Variants in SKAP1 observed in about 807,000 individuals in gnomAD.
SKAP1 encodes src kinase-associated phosphoprotein 1.
Under a neutral mutation model 58.5 loss-of-function variants are expected in SKAP1, and 44 were observed. That is an observed-to-expected ratio of 0.75 (90% CI 0.59 to 0.97). SKAP1 has a LOEUF of 0.97. SKAP1 is among the 50% of genes least tolerant of loss of function. The probability of loss-of-function intolerance (pLI) is 0.00; values close to 1 mark genes in which losing one functional copy is unlikely to be tolerated. For synonymous variants in SKAP1, 127 were observed against 149.7 expected, an observed-to-expected ratio of 0.85 and a Z score of 1.11; for missense variants, 390 against 435.2, an observed-to-expected ratio of 0.90 and a Z score of 0.92.
At chr17:48,413,523 A>AATATATATAT (rs1555624885) in intron 1 of SKAP1, among the ~76,000 whole-genome samples, 2 of 105,476 alleles carry the variant, frequency 1.9e-5, no homozygotes, top group East Asian at 2.3e-4. Context: ...TCAAAAAAAA[A>AATATATATAT]ATATATATAT....
At chr17:48,271,362 CTTTTTTTT>C (rs35447830) in intron 4 of SKAP1, among the ~76,000 whole-genome samples, 1 of 106,278 alleles carries the variant, frequency 9.4e-6, no homozygotes, top group African/African-American at 3.5e-5. Context: ...TTCTTTGTTT[CTTTTTTTT>C]TTTTTTTTTT....
intron 4 of SKAP1, among the ~76,000 whole-genome samples, chr17:48,299,905 AATG>A (rs1350877659): frequency 2.0e-5 from 3 of 152,084 alleles, no homozygotes; most frequent in African/African-American, 7.2e-5. Context: ...GGGTTTGCGG[AATG>A]ATGATGAATA....
chr17:48,250,773 C>T (rs2065355252), intron 4 of SKAP1, among the ~76,000 whole-genome samples: 1 of 151,912 alleles, frequency 6.6e-6, no homozygotes. Context: ...CTGATATTTC[C>T]ACACCTGCAG....
intron 1 of SKAP1, among the ~76,000 whole-genome samples, chr17:48,399,449 G>A (rs1340896158): frequency 6.6e-6 from 1 of 152,024 alleles, no homozygotes; most frequent in Non-Finnish European, 1.5e-5. Flanking sequence ...CAAACCCACA[G>A]CTAACATTGT....
At chr17:48,405,445 CTTT>C (rs1567902193) in intron 1 of SKAP1, among the ~76,000 whole-genome samples, 52 of 65,810 alleles carry the variant, frequency 7.9e-4, no homozygotes, top group African/African-American at 2.4e-3. Context: ...TTCTTTCTTT[CTTT>C]CTTTTCTTTC....
chr17:48,394,349 CT>C (rs541710956), intron 2 of SKAP1, among the ~76,000 whole-genome samples: 91 of 149,064 alleles, frequency 6.1e-4, no homozygotes, highest in African/African-American at 2.0e-3. Flanking sequence ...ATTTTTTACT[CT>C]TTTTTTTTTG....
At chr17:48,172,083 A>C (rs561382227) in intron 9 of SKAP1, among the ~76,000 whole-genome samples, 20 of 151,586 alleles carry the variant, frequency 1.3e-4, no homozygotes, top group Admixed American at 3.9e-4. Flanking sequence ...AAAACAAAAA[A>C]CCCTCTTTGA....
intron 4 of SKAP1, among the ~76,000 whole-genome samples, chr17:48,249,528 G>T (rs1178300094): frequency 6.6e-6 from 1 of 151,916 alleles, no homozygotes; most frequent in African/African-American, 2.4e-5. Flanking sequence ...CAAAAAATTA[G>T]CTGGGCCTGG....
upstream of SKAP1, among the ~76,000 whole-genome samples, chr17:48,432,437 G>A (rs1973577): frequency 0.47 from 68,440 of 144,150 alleles, 17,423 homozygotes; most frequent in African/African-American, 0.71. Context: ...TCAAAAAAAA[G>A]AAAGAAAGAA....
At chr17:48,366,032 G>A (rs2066997069) in intron 2 of SKAP1, among the ~76,000 whole-genome samples, 1 of 152,274 alleles carries the variant, frequency 6.6e-6, no homozygotes, top group East Asian at 1.9e-4. Context: ...GGTTGGACAA[G>A]CTTGCAGTTT....
intron 4 of SKAP1, among the ~76,000 whole-genome samples, chr17:48,320,273 C>T (rs183525326): frequency 1.3e-3 from 204 of 152,222 alleles, no homozygotes; most frequent in Non-Finnish European, 1.4e-3. Context: ...TCTCTGTACA[C>T]CTTAAAAAGC....
chr17:48,160,270 C>CA (rs2064049220), intron 11 of SKAP1, among the ~76,000 whole-genome samples: 5 of 152,154 alleles, frequency 3.3e-5, no homozygotes, highest in African/African-American at 1.2e-4. Context: ...GCTGAGACTA[C>CA]AAGCATGTAC....
At chr17:48,392,587 G>A (rs143204031) in intron 2 of SKAP1, among the ~76,000 whole-genome samples, 5 of 152,254 alleles carry the variant, frequency 3.3e-5, no homozygotes, top group African/African-American at 4.8e-5. Flanking sequence ...TTGGCTGGGC[G>A]TGGTAGCTCA....
chr17:48,302,769 T>C lies in SKAP1; in HGVS notation c.280+43136A>G, dbSNP rs180878045. On this transcript the variant is annotated intron_variant, in intron 4 of 12. Transcript: ENST00000336915. ...TCCATCCTCTTTGTCACTATTTGGT[T>C]CAACAGTTTAGGTCAACAAACACTC... is the stretch of plus-strand genomic sequence containing the variant. Among the ~76,000 whole-genome samples the C allele has an allele frequency of 4.4e-4, 67 of 152,276 alleles. No individual in the cohort carries two copies. The East Asian group carries it at 0.011, about 26-fold the overall frequency.
At chr17:48,336,147 C>T (rs1428680466) in intron 4 of SKAP1, among the ~76,000 whole-genome samples, 1 of 152,128 alleles carries the variant, frequency 6.6e-6, no homozygotes, top group African/African-American at 2.4e-5. Flanking sequence ...ACTTTATAGA[C>T]ATTCAATTAC....
At chr17:48,298,274 C>T (rs1275723416) in intron 4 of SKAP1, among the ~76,000 whole-genome samples, 2 of 152,134 alleles carry the variant, frequency 1.3e-5, no homozygotes, top group East Asian at 3.8e-4. Flanking sequence ...CTGCATAAGT[C>T]AGAGTGAGCG....
At chr17:48,194,591 A>C (rs1216304574) in intron 4 of SKAP1, among the ~76,000 whole-genome samples, 1 of 152,196 alleles carries the variant, frequency 6.6e-6, no homozygotes, top group East Asian at 1.9e-4. Flanking sequence ...TCCACGCAAA[A>C]AGGCTGCAGC....
rs779817721 is a variant in SKAP1, at chr17:48,170,634, A to G, written c.852T>C (p.Asp284=). 12 of 1,612,924 alleles carry G rather than the reference A, an allele frequency of 7.4e-6. No individual in the cohort carries two copies. The East Asian group carries it at 2.0e-4, about 27-fold the overall frequency. The change falls in exon 10 of 13, where the codon GAT becomes GAC. Residue 284 remains aspartate (D), a synonymous_variant. Transcript: ENST00000336915. ...CTCCTTTTCGTCGAGTGCCACTCTC[A>G]TCCTCTTCTAGATCATGCTCTTCAT... ...LPDEEHDLEE[D]ESGTRRKGVD...
intron 12 of SKAP1, among the ~76,000 whole-genome samples, chr17:48,134,409 C>T (rs188564805): frequency 1.6e-4 from 25 of 152,276 alleles, no homozygotes; most frequent in African/African-American, 5.8e-4. Context: ...ACCTCCGCCT[C>T]GTGGATTCAA....
Sources: allele counts gnomAD v4.1 joint callset (sites outside exome capture counted in the v4.1 genomes callset), GRCh38; gene constraint gnomAD v4.1.1; transcripts MANE v1.5; gene names NCBI Gene and HGNC (gene_info 2026-07-23, HGNC 2026-07-21).